Variants in CSMD1 observed in about 807,000 individuals in gnomAD.
CSMD1 encodes the protein CUB and Sushi multiple domains 1, also known as CUB and sushi domain-containing protein 1.
In CSMD1, 213 loss-of-function variants were observed where a neutral mutation model predicts 417.5. That is an observed-to-expected ratio of 0.51 (90% CI 0.46 to 0.57). The LOEUF (loss-of-function observed/expected upper bound fraction) is 0.57. CSMD1 is among the 20% of genes least tolerant of loss of function. The pLI, the probability that CSMD1 is intolerant of heterozygous loss-of-function variation, is 0.00. For synonymous variants in CSMD1, 2,862 were observed against 1,736.8 expected (o/e 1.65, Z -16.11); for missense variants, 6,923 against 4,529.7 (o/e 1.53, Z -15.17).
intron 10 of CSMD1, among the ~76,000 whole-genome samples, chr8:3,513,153 T>G (rs542815672): frequency 6.6e-6 from 1 of 152,180 alleles, no homozygotes; most frequent in Admixed American, 6.5e-5. Context: ...CTTTATGGAT[T>G]CAGCTACAAT....
rs140715621 is a variant in CSMD1 at position 4,420,540 on chromosome 8, C to G, written c.303-475G>C. Among the ~76,000 whole-genome samples, 66 of 152,044 alleles carry G rather than the reference C, an allele frequency of 4.3e-4. 1 individual carries two copies. The East Asian group carries it at 8.3e-3, about 19-fold the overall frequency. ...CTAATTCACTATTTTTAATTTTTTT[C>G]TAATAAAAAATATGACAGGTAAAGC... On this transcript the variant is annotated intron_variant, in intron 2 of 69. Transcript: ENST00000635120.
intron 1 of CSMD1, chr8:4,787,192 A>C: frequency 2.3e-6 from 1 of 438,902 alleles, no homozygotes; most frequent in East Asian, 4.7e-5. Context: ...AGAGTGGCGC[A>C]GGGTCGCGGG....
At chr8:4,688,593 C>T (rs535541351) in intron 1 of CSMD1, among the ~76,000 whole-genome samples, 11 of 152,166 alleles carry the variant, frequency 7.2e-5, no homozygotes, top group African/African-American at 2.6e-4. Context: ...GTGAACACTC[C>T]CTATATTTTA....
rs1025969387 is a variant in CSMD1 at position 3,840,313 on chromosome 8, T to C, written c.819-86271A>G. On this transcript the variant is annotated intron_variant, in intron 5 of 69. Transcript: ENST00000635120. ...TCACGCAGGAGGCTGAGGTGCCAAC[T>C]AGCATCTCGCTGTCCTGTTAACAGA... 7.9e-5 allele frequency among the ~76,000 whole-genome samples: 12 copies of C among 152,286 alleles called. No homozygotes were observed. In the South Asian group the frequency reaches 1.9e-3, roughly 24 times the overall value.
chr8:3,549,049 C>A (rs1167213576), intron 10 of CSMD1, among the ~76,000 whole-genome samples: 1 of 152,182 alleles, frequency 6.6e-6, no homozygotes, highest in Non-Finnish European at 1.5e-5. Flanking sequence ...TCGAAGCCAT[C>A]CCTGATATCA....
intron 2 of CSMD1, among the ~76,000 whole-genome samples, chr8:4,452,704 A>G (rs1799222749): frequency 6.6e-6 from 1 of 152,180 alleles, no homozygotes; most frequent in Non-Finnish European, 1.5e-5. Context: ...GATACTCTCA[A>G]TTACATTTAA....
At chr8:3,555,037 A>T (rs1172978961) in intron 10 of CSMD1, among the ~76,000 whole-genome samples, 2 of 152,050 alleles carry the variant, frequency 1.3e-5, no homozygotes, top group African/African-American at 2.4e-5. Flanking sequence ...GTGCGTGAGG[A>T]GTCCTCCGCC....
Position 3,283,557 on chromosome 8 carries a change from T to C in CSMD1, c.4153+587A>G, listed in dbSNP as rs151112822. Among the ~76,000 whole-genome samples, 315 of 152,292 alleles carry C rather than the reference T, an allele frequency of 2.1e-3. 3 individuals carry two copies. Among genetic ancestry groups the C allele is most frequent in the African/African-American group, 7.3e-3 (303 of 41,568 alleles). ...CAGTGTTCAGAACCACTCCAAAATATGCAGTTTTGAGGAAACTGCAGAAGC... is the reference window on the plus strand; with the variant it reads ...CAGTGTTCAGAACCACTCCAAAATACGCAGTTTTGAGGAAACTGCAGAAGC... On this transcript the variant is annotated intron_variant, in intron 26 of 69. Coordinates refer to ENST00000635120, the MANE Select transcript of CSMD1 (RefSeq NM_033225.6).
chr8:4,719,424 A>G (rs1808905961), intron 1 of CSMD1, among the ~76,000 whole-genome samples: 1 of 152,092 alleles, frequency 6.6e-6, no homozygotes, highest in Non-Finnish European at 1.5e-5. Context: ...CATTAAAAGC[A>G]TCATTATAAG....
At chr8:4,194,558 A>C (rs1799220206) in intron 3 of CSMD1, among the ~76,000 whole-genome samples, 1 of 152,168 alleles carries the variant, frequency 6.6e-6, no homozygotes, top group Non-Finnish European at 1.5e-5. Context: ...TGGCAACAGC[A>C]AATAAAAAGT....
intron 3 of CSMD1, among the ~76,000 whole-genome samples, chr8:4,157,957 C>G (rs907710252): frequency 6.6e-6 from 1 of 152,216 alleles, no homozygotes; most frequent in South Asian, 2.1e-4. Flanking sequence ...CATCTTTTAG[C>G]AACGTATGCC....
chr8:3,668,786 G>A (rs909555933), intron 7 of CSMD1, among the ~76,000 whole-genome samples: 1 of 152,070 alleles, frequency 6.6e-6, no homozygotes, highest in Admixed American at 6.6e-5. Context: ...CTCTAGTTTT[G>A]GCTCATTTTG....
At position 3,826,711 on chromosome 8, in the gene CSMD1, T is replaced by A. The variant is rs370965189; in HGVS notation, c.819-72669A>T. On this transcript the variant is annotated intron_variant, in intron 5 of 69. Coordinates refer to ENST00000635120, the MANE Select transcript of CSMD1 (RefSeq NM_033225.6). ...ACTTGGTCCTTGATAATTTCTTTATTTTCAAAGAAAGAGTTTGTACTGAAT... is the reference window on the plus strand; with the variant it reads ...ACTTGGTCCTTGATAATTTCTTTATATTCAAAGAAAGAGTTTGTACTGAAT... 3.3e-5 allele frequency among the ~76,000 whole-genome samples: 5 copies of A among 152,212 alleles called. No homozygotes were observed. In the East Asian group the frequency reaches 9.6e-4, roughly 29 times the overall value.
At chr8:4,359,835 C>T (rs964170124) in intron 3 of CSMD1, among the ~76,000 whole-genome samples, 3 of 152,178 alleles carry the variant, frequency 2.0e-5, no homozygotes, top group African/African-American at 4.8e-5. Context: ...CTCCTACTGT[C>T]GGAAGCAAGA....
At chr8:4,765,614 A>G (rs1812412051) in intron 1 of CSMD1, among the ~76,000 whole-genome samples, 1 of 152,218 alleles carries the variant, frequency 6.6e-6, no homozygotes, top group Non-Finnish European at 1.5e-5. Context: ...CTGAGAAAAA[A>G]TTGGATGCAA....
At chr8:3,608,425 T>A (rs987314937) in intron 8 of CSMD1, among the ~76,000 whole-genome samples, 1 of 152,208 alleles carries the variant, frequency 6.6e-6, no homozygotes, top group East Asian at 1.9e-4. Context: ...AGTTTCAGCA[T>A]CTTTGAAATG....
chr8:4,874,802 A>G (rs950902793), intron 1 of CSMD1, among the ~76,000 whole-genome samples: 15 of 150,066 alleles, frequency 1.0e-4, no homozygotes, highest in African/African-American at 1.7e-4. Context: ...TTGTGTGTGT[A>G]TATATATATA....
chr8:3,013,622 G>A (rs1055946765), intron 52 of CSMD1, among the ~76,000 whole-genome samples: 1 of 151,836 alleles, frequency 6.6e-6, no homozygotes, highest in African/African-American at 2.4e-5. Context: ...TGTGGTGGTG[G>A]GTGCCTGTAA....
chr8:4,730,437 C>T (rs933623825), intron 1 of CSMD1, among the ~76,000 whole-genome samples: 1 of 151,956 alleles, frequency 6.6e-6, no homozygotes, highest in Non-Finnish European at 1.5e-5. Flanking sequence ...AAAGAATAAT[C>T]AGATTTAAGA....
Sources: allele counts gnomAD v4.1 joint callset (sites outside exome capture counted in the v4.1 genomes callset), GRCh38; gene constraint gnomAD v4.1.1; transcripts MANE v1.5; gene names NCBI Gene and HGNC (gene_info 2026-07-23, HGNC 2026-07-21).